Variants in OXR1 observed in about 807,000 individuals in gnomAD.
The protein encoded by OXR1 is oxidation resistance 1.
In OXR1, 41 loss-of-function variants were observed where a neutral mutation model predicts 104.6. The observed-to-expected ratio is 0.39, with a 90% CI of 0.31 to 0.51. The LOEUF is 0.51. Ranked by LOEUF, OXR1 falls within the 20% of genes least tolerant of loss-of-function variation. OXR1 has a pLI of 0.77. For synonymous variants in OXR1, 348 were observed against 348.4 expected (o/e 1.00, Z 0.01); for missense variants, 955 against 1,031.9 (o/e 0.93, Z 1.02).
intron 2 of OXR1, among the ~76,000 whole-genome samples, chr8:106,437,434 C>A (rs1257479635): frequency 6.6e-6 from 1 of 152,100 alleles, no homozygotes; most frequent in African/African-American, 2.4e-5. Context: ...TATAAGACTG[C>A]ACTATTTTCT....
chr8:106,587,346 G>T (rs1198374978), intron 3 of OXR1, among the ~76,000 whole-genome samples: 1 of 152,068 alleles, frequency 6.6e-6, no homozygotes, highest in South Asian at 2.1e-4. Context: ...TCTTGGGTTT[G>T]CAGGGAAAGA....
chr8:106,443,729 C>T (rs1382556008), intron 2 of OXR1, among the ~76,000 whole-genome samples: 1 of 152,116 alleles, frequency 6.6e-6, no homozygotes, highest in African/African-American at 2.4e-5. Context: ...AGGATTGCAA[C>T]CCCTGCTTAT....
chr8:106,317,294 A>G (rs1014276729), intron 1 of OXR1, among the ~76,000 whole-genome samples: 4 of 152,110 alleles, frequency 2.6e-5, no homozygotes, highest in African/African-American at 7.2e-5. Context: ...TTGCATTTTT[A>G]TGTTTAGGGT....
At chr8:106,365,357 G>T (rs1202887374) in intron 2 of OXR1, among the ~76,000 whole-genome samples, 1 of 151,358 alleles carries the variant, frequency 6.6e-6, no homozygotes, top group African/African-American at 2.4e-5. Flanking sequence ...TGGTCAGCTT[G>T]TAAAGGAGTA....
At position 106,713,998 on chromosome 8, in the gene OXR1, A is replaced by C. The variant is rs754236109; in HGVS notation, c.1956+13A>C. The C allele has an allele frequency of 6.5e-7, 1 of 1,550,186 alleles. No individual in the cohort carries two copies. Among genetic ancestry groups the C allele is most frequent in the African/African-American group, 1.4e-5 (1 of 70,846 alleles). On this transcript the variant is annotated intron_variant, in intron 11 of 16. Transcript: ENST00000517566. ...CAGAGAATGGGAGGTAAGGAGAAAA[A>C]TATGAAGATTTTAGTCATCTTTTTA... is the stretch of plus-strand genomic sequence containing the variant.
At chr8:106,288,801 T>C (rs1032469081) in intron 1 of OXR1, among the ~76,000 whole-genome samples, 2 of 150,368 alleles carry the variant, frequency 1.3e-5, no homozygotes, top group African/African-American at 2.4e-5. Context: ...ATATATATAG[T>C]ATATTCTTAA....
chr8:106,310,692 G>A (rs997150733), intron 1 of OXR1, among the ~76,000 whole-genome samples: 1 of 152,100 alleles, frequency 6.6e-6, no homozygotes, highest in Non-Finnish European at 1.5e-5. Flanking sequence ...CAGGAATATA[G>A]GTTAGAAATA....
At chr8:106,453,472 T>A (rs974265588) in intron 2 of OXR1, among the ~76,000 whole-genome samples, 4 of 152,222 alleles carry the variant, frequency 2.6e-5, no homozygotes, top group Non-Finnish European at 5.9e-5. Flanking sequence ...GTAGGAATCA[T>A]GTTGATTAAA....
At chr8:106,506,440 C>T (rs185870362) in intron 2 of OXR1, among the ~76,000 whole-genome samples, 2 of 152,090 alleles carry the variant, frequency 1.3e-5, no homozygotes, top group Admixed American at 1.3e-4. Flanking sequence ...GGTGAAACCC[C>T]GTCTCTACTA....
At chr8:106,524,929 T>G (rs898347486) in intron 3 of OXR1, among the ~76,000 whole-genome samples, 3 of 152,120 alleles carry the variant, frequency 2.0e-5, no homozygotes, top group Non-Finnish European at 4.4e-5. Context: ...CCTCCTCTGT[T>G]TTTGCTTATG....
intron 3 of OXR1, among the ~76,000 whole-genome samples, chr8:106,563,120 A>G (rs1162612815): frequency 6.6e-6 from 1 of 152,156 alleles, no homozygotes; most frequent in Non-Finnish European, 1.5e-5. Context: ...CTCACATAAC[A>G]ATATTAACCT....
chr8:106,737,254 A>G lies in OXR1; in HGVS notation c.1957-266A>G, dbSNP rs73700000. ...TTCTGTATAAAAAACTATAATTTCT[A>G]TTTACTAAGTTGAATCTATATGGAA... On this transcript the variant is annotated intron_variant, in intron 11 of 16. Transcript: ENST00000517566. 7.5e-3 allele frequency among the ~76,000 whole-genome samples: 1,142 copies of G among 152,188 alleles called. 17 individuals are homozygous for G. Among genetic ancestry groups the G allele is most frequent in the African/African-American group, 0.025 (1,055 of 41,514 alleles).
chr8:106,637,115 G>A (rs576569666), intron 3 of OXR1, among the ~76,000 whole-genome samples: 12 of 152,104 alleles, frequency 7.9e-5, no homozygotes, highest in Non-Finnish European at 1.5e-4. Context: ...CAGCTTGTTT[G>A]TTTTGCTATG....
At chr8:106,671,884 A>G (rs544958312) in intron 3 of OXR1, among the ~76,000 whole-genome samples, 6 of 151,116 alleles carry the variant, frequency 4.0e-5, no homozygotes, top group African/African-American at 1.5e-4. Flanking sequence ...CGAGTTAATG[A>G]GTGCAGCACA....
At chr8:106,735,641 A>G (rs1563758828) in intron 11 of OXR1, among the ~76,000 whole-genome samples, 2 of 152,258 alleles carry the variant, frequency 1.3e-5, no homozygotes, top group South Asian at 2.1e-4. Context: ...CTAGGAGACT[A>G]TTGGATTGAA....
chr8:106,467,862 C>T (rs1821259437), intron 2 of OXR1, among the ~76,000 whole-genome samples: 1 of 151,792 alleles, frequency 6.6e-6, no homozygotes, highest in African/African-American at 2.4e-5. Flanking sequence ...TTTCAAGTAT[C>T]CAAATTGTAC....
At chr8:106,630,234 G>A (rs1426246187) in intron 3 of OXR1, among the ~76,000 whole-genome samples, 1 of 152,158 alleles carries the variant, frequency 6.6e-6, no homozygotes, top group Non-Finnish European at 1.5e-5. Context: ...TCTGCAATGT[G>A]GGGATAATGT....
chr8:106,425,733 T>C (rs1819090819), intron 2 of OXR1, among the ~76,000 whole-genome samples: 1 of 152,106 alleles, frequency 6.6e-6, no homozygotes. Context: ...GGAAAGCAAA[T>C]AGAGACACCT....
At chr8:106,461,522 G>A (rs892312681) in intron 2 of OXR1, among the ~76,000 whole-genome samples, 19 of 152,048 alleles carry the variant, frequency 1.2e-4, no homozygotes, top group East Asian at 7.7e-4. Flanking sequence ...CAGAGATCAC[G>A]CCACTGCATT....
Sources: allele counts gnomAD v4.1 joint callset (sites outside exome capture counted in the v4.1 genomes callset), GRCh38; gene constraint gnomAD v4.1.1; transcripts MANE v1.5; gene names NCBI Gene and HGNC (gene_info 2026-07-23, HGNC 2026-07-21).